Variants in MCF2L observed in about 807,000 individuals in gnomAD.
MCF2L encodes guanine nucleotide exchange factor DBS.
Under a neutral mutation model 153.4 loss-of-function variants are expected in MCF2L, and 97 were observed. The ratio of observed to expected loss-of-function variants is 0.63; its 90% CI spans 0.54 to 0.75. The LOEUF (loss-of-function observed/expected upper bound fraction) is 0.75, where lower values mean the gene tolerates loss of function less well. MCF2L is among the 30% of genes least tolerant of loss of function. The pLI is 0.00. For synonymous variants in MCF2L, 659 were observed against 632.2 expected, an observed-to-expected ratio of 1.04 and a Z score of -0.64; for missense variants, 1,347 against 1,495.2, an observed-to-expected ratio of 0.90 and a Z score of 1.64.
rs1434283477 is a variant in MCF2L at position 112,957,755 on chromosome 13, CTCT to C, written c.169+55390_169+55392del. On this transcript the variant is annotated intron_variant, in intron 2 of 29. Coordinates refer to the MCF2L transcript ENST00000375608. ...ACCTCTAACCTATGACCCTTGTAGT[CTCT>C]TCTTCCACCTTGTGTATCCTAATGT... 2 of 152,152 alleles carry C rather than the reference CTCT, an allele frequency of 1.3e-5. 1 individual carries two copies. The allele number at this position is 152,152 out of a possible 1,614,324, so 9.4% of individuals were successfully genotyped here. A position where few individuals can be genotyped will look rare whatever the true frequency, so the allele number is the denominator to read the frequency against.
chr13:112,985,265 G>T, intron 1 of MCF2L: 1 of 389,872 alleles, frequency 2.6e-6, no homozygotes. Flanking sequence ...TAAAAAGCCA[G>T]CTGGTCCCTC....
intron 2 of MCF2L, among the ~76,000 whole-genome samples, chr13:112,954,700 C>G (rs2081736422): frequency 6.6e-6 from 1 of 152,134 alleles, no homozygotes; most frequent in Admixed American, 6.5e-5. Context: ...TGGTGCAGAA[C>G]AGCTGCTCCA....
At position 112,969,647 on chromosome 13, in the gene MCF2L, G is replaced by T. The variant is rs575218942; in HGVS notation, c.79+189G>T. 1.9e-3 allele frequency: 1,068 copies of T among 567,450 alleles called. 3 individuals carry two copies. The highest frequency in any genetic ancestry group is 2.3e-3 in the Non-Finnish European group (1,011 of 447,844). The allele number at this position is 567,450 out of a possible 1,614,324, so 35.2% of individuals were successfully genotyped here. ...GGCTGTCGGCGATCGTATGCTGCCC[G>T]GGATAGTCAAAATGACTGCACGTTG... On this transcript the variant is annotated intron_variant, in intron 1 of 29. Coordinates refer to ENST00000535094, the MANE Select transcript of MCF2L (RefSeq NM_001112732.3). This position sits in a 1 kb window ranked among gnomAD's most constrained non-coding sequence, Gnocchi z 4.8.
intron 15 of MCF2L, among the ~76,000 whole-genome samples, chr13:113,079,855 G>A (rs1246356218): frequency 1.3e-5 from 2 of 152,088 alleles, no homozygotes; most frequent in Non-Finnish European, 2.9e-5. Flanking sequence ...CCATACGGAA[G>A]AGGGTCCAGG....
At chr13:112,985,467 T>G in intron 1 of MCF2L, 1 of 471,058 alleles carries the variant, frequency 2.1e-6, no homozygotes. Context: ...CTGGCTGCTG[T>G]CCGTGGCTGA....
At chr13:112,895,185 G>A (rs1303626218) in intron 1 of MCF2L, among the ~76,000 whole-genome samples, 3 of 152,146 alleles carry the variant, frequency 2.0e-5, no homozygotes, top group Non-Finnish European at 2.9e-5. Flanking sequence ...CCTTATATAG[G>A]ATGCTGCGGG....
At chr13:112,895,362 G>T (rs2081056943) in intron 1 of MCF2L, among the ~76,000 whole-genome samples, 1 of 152,182 alleles carries the variant, frequency 6.6e-6, no homozygotes, top group African/African-American at 2.4e-5. Context: ...GAGGCCCCAG[G>T]ATGTGTGGCC....
At chr13:113,025,732 A>G (rs112993631) in intron 3 of MCF2L, among the ~76,000 whole-genome samples, 4,648 of 53,268 alleles carry the variant, frequency 0.087, 5 homozygotes, top group South Asian at 0.17. Flanking sequence ...TCCCTGTGAG[A>G]TTTCACCAGG....
At chr13:113,044,846 C>T (rs767368999) in intron 3 of MCF2L, 6 of 1,612,804 alleles carry the variant, frequency 3.7e-6, no homozygotes, top group Middle Eastern at 1.6e-4. Flanking sequence ...GAATCCTTAA[C>T]GTGGACCAGC....
Position 113,077,043 on chromosome 13 carries a change from C to A in MCF2L, c.1501-9C>A. 2 of 1,605,322 alleles carry A rather than the reference C, an allele frequency of 1.2e-6. No individual in the cohort carries two copies. Among genetic ancestry groups the A allele is most frequent in the Non-Finnish European group, 1.7e-6 (2 of 1,174,868 alleles). ...TGTGCAAGGCACCTTACTGAGCATG[C>A]GGTTTCAGGAGCACGTGCGAAAGGT... On this transcript the variant is annotated splice_polypyrimidine_tract_variant and intron_variant, in intron 12 of 29. Transcript: ENST00000535094.
At position 113,064,050 on chromosome 13, in the gene MCF2L, C is replaced by T. The variant is rs182932375; in HGVS notation, c.490-254C>T. Among the ~76,000 whole-genome samples, 21 of 152,220 alleles carry T rather than the reference C, an allele frequency of 1.4e-4. 1 individual carries two copies. The East Asian group carries it at 1.7e-3, about 13-fold the overall frequency. On this transcript the variant is annotated intron_variant, in intron 5 of 29. Coordinates refer to ENST00000535094, the MANE Select transcript of MCF2L (RefSeq NM_001112732.3). This position sits in a 1 kb window ranked among gnomAD's most constrained non-coding sequence, Gnocchi z 6.0. Reference sequence around the variant, plus strand: ...CCTGCCAAATAGCAGGGAAGGAGGGCGCACGGAGTTATCTCCATCATAAGG... The same window carrying T: ...CCTGCCAAATAGCAGGGAAGGAGGGTGCACGGAGTTATCTCCATCATAAGG...
chr13:113,091,277 G>A, intron 26 of MCF2L: 3 of 1,202,310 alleles, frequency 2.5e-6, no homozygotes, highest in African/African-American at 3.2e-5. Flanking sequence ...GGCCGTCAAG[G>A]CCACCTAAGG....
rs78784969 is a variant in MCF2L at position 112,953,158 on chromosome 13, G to T, written c.169+50787G>T. On this transcript the variant is annotated intron_variant, in intron 2 of 29. Transcript: ENST00000375608. ...ATACAGGCCTTCCTTGCTTGGAGCC[G>T]TGTTTTGGAATCAGTATTTACTTGG... Among the ~76,000 whole-genome samples, 410 of 152,316 alleles carry T rather than the reference G, an allele frequency of 2.7e-3. 2 individuals carry two copies. The highest frequency in any genetic ancestry group is 9.3e-3 in the African/African-American group (385 of 41,580).
intron 2 of MCF2L, among the ~76,000 whole-genome samples, chr13:112,916,490 C>T (rs563356482): frequency 2.6e-5 from 4 of 152,178 alleles, no homozygotes; most frequent in East Asian, 3.9e-4. Flanking sequence ...CGCGCTCTCG[C>T]GTGCCTCACC....
intron 2 of MCF2L, among the ~76,000 whole-genome samples, chr13:112,919,407 G>C (rs1299085165): frequency 6.6e-6 from 1 of 151,494 alleles, no homozygotes; most frequent in Non-Finnish European, 1.5e-5. Context: ...GGGTTTCACC[G>C]TTTTAGCCGG....
chr13:113,087,502 C>T, intron 22 of MCF2L, 46 bp downstream of exon 22: 1 of 1,475,934 alleles, frequency 6.8e-7, no homozygotes, highest in Non-Finnish European at 9.2e-7. Flanking sequence ...GCCACAGACC[C>T]CGACGGGGGA....
chr13:112,922,770 G>A (rs930288592), intron 2 of MCF2L, among the ~76,000 whole-genome samples: 12 of 152,218 alleles, frequency 7.9e-5, no homozygotes, highest in Non-Finnish European at 1.6e-4. Context: ...GGGAGGCGGA[G>A]GTTGCAGTGA....
At chr13:113,001,659 C>T (rs2083383425) in intron 1 of MCF2L, 7 of 1,313,370 alleles carry the variant, frequency 5.3e-6, no homozygotes, top group Admixed American at 4.0e-5. Context: ...TCGCCAGGAT[C>T]GCAACAGTTA....
chr13:113,060,755 T>C (rs2031260645), intron 5 of MCF2L, 43 bp downstream of exon 5: 1 of 1,604,864 alleles, frequency 6.2e-7, no homozygotes, highest in Non-Finnish European at 8.5e-7. Flanking sequence ...AGAACGGAAC[T>C]CATTGCCGTC....
Sources: gnomAD v4.1 joint callset for allele counts (sites outside exome capture counted in the v4.1 genomes callset) on GRCh38, gnomAD v4.1.1 for gene constraint, Gnocchi (gnomAD v3.1) non-coding constraint, MANE v1.5 for transcripts, NCBI Gene and HGNC (gene_info 2026-07-23, HGNC 2026-07-21) for gene names.